The following CDCA7L variants were observed in gnomAD, a reference collection of about 807,000 sequenced individuals.
CDCA7L encodes the protein cell division cycle associated 7 like, also known as cell division cycle-associated 7-like protein.
A neutral mutation model predicts 57.4 loss-of-function variants in CDCA7L; 44 were observed. The ratio of observed to expected loss-of-function variants is 0.77; its 90% confidence interval spans 0.60 to 0.98. The LOEUF (loss-of-function observed/expected upper bound fraction) is 0.98, where lower values mean the gene tolerates loss of function less well. Among genes scored for constraint, CDCA7L ranks in the 50% least tolerant of loss-of-function variants. The pLI, the probability that CDCA7L is intolerant of heterozygous loss-of-function variation, is 0.00. For missense variants in CDCA7L, 644 were observed against 580.6 expected (o/e 1.11, Z -1.12); for synonymous variants, 236 against 202.8 (o/e 1.16, Z -1.39).
chr7:21,903,234 T>C, intron 8 of CDCA7L, 120 bp from the exon 9 acceptor site: 1 of 925,172 alleles, frequency 1.1e-6, no homozygotes, highest in East Asian at 2.7e-5. Flanking sequence ...CATGGCATCT[T>C]TCAGTCTACG....
In CDCA7L at chr7:21,902,321, CTTAA is replaced by C. The variant is rs758313825; in HGVS notation, c.1362_1365del (p.Asn454LysfsTer40). On this transcript the variant is annotated frameshift_variant and stop_lost, in exon 10 of 10. Coordinates refer to ENST00000406877, the MANE Select transcript of CDCA7L (RefSeq NM_018719.5). LOFTEE classifies it high-confidence loss of function. ...GGTGGCTGGTTCTGTTTGTTTTCCT[CTTAA>C]TTGTCTTCTACCAGCTCCTTTTGTA... 3.1e-6 allele frequency: 5 copies of C among 1,613,800 alleles called. No homozygotes were observed. The highest frequency in any genetic ancestry group is 4.2e-6 in the Non-Finnish European group (5 of 1,179,750).
At position 21,914,107 on chromosome 7, in the gene CDCA7L, G is replaced by A. The variant is rs74586911; in HGVS notation, c.166-2353C>T. On this transcript the variant is annotated intron_variant, in intron 2 of 9. Coordinates refer to ENST00000406877, the MANE Select transcript of CDCA7L (RefSeq NM_018719.5). ...ATCAGAGGAGAAGCTAACATAGGTG[G>A]ATAAACTTATTTTGAAGTCCATGTG... is the stretch of plus-strand genomic sequence containing the variant. 3.5e-3 allele frequency among the ~76,000 whole-genome samples: 529 copies of A among 152,298 alleles called. 7 individuals carry two copies. In the East Asian group the frequency reaches 0.041, roughly 12 times the overall value.
chr7:21,908,527 A>T lies in CDCA7L; in HGVS notation c.304-20T>A, dbSNP rs779213060. Reference sequence around the variant, plus strand: ...CACGACCTAATAAAATAAGAGCAAGAAAAAGCACAAAGACACTGTTACAGA... The same window carrying T: ...CACGACCTAATAAAATAAGAGCAAGTAAAAGCACAAAGACACTGTTACAGA... On this transcript the variant is annotated intron_variant, in intron 3 of 9. Coordinates refer to ENST00000406877, the MANE Select transcript of CDCA7L (RefSeq NM_018719.5). 2.7e-6 allele frequency: 4 copies of T among 1,499,626 alleles called. No homozygotes were observed. The highest frequency in any genetic ancestry group is 3.5e-6 in the Non-Finnish European group (4 of 1,129,384). 92.9% of individuals were successfully genotyped at this position (1,499,626 alleles called of 1,614,324 possible).
chr7:21,916,385 T>C (rs1785480737), intron 2 of CDCA7L, among the ~76,000 whole-genome samples: 2 of 152,052 alleles, frequency 1.3e-5, no homozygotes, highest in East Asian at 3.9e-4. Flanking sequence ...TGTCTCCCCG[T>C]AACCACACAA....
chr7:21,931,988 A>G (rs992370459), intron 1 of CDCA7L, among the ~76,000 whole-genome samples: 5 of 152,212 alleles, frequency 3.3e-5, no homozygotes, highest in Non-Finnish European at 5.9e-5. Flanking sequence ...TAATGTGCAA[A>G]AATCACAAGC....
Position 21,900,970 on chromosome 7 carries a change from C to T in CDCA7L, c.*1352G>A. On this transcript the variant is annotated 3_prime_UTR_variant, in exon 10 of 10. Transcript: ENST00000406877. ...CTTGATCATTATCATTAGTAGCAAG[C>T]TGCCACACAATTGCAACCGCTGTGT... 5 of 1,530,600 alleles carry T rather than the reference C, an allele frequency of 3.3e-6. No homozygotes were observed. The highest frequency in any genetic ancestry group is 4.4e-6 in the Non-Finnish European group (5 of 1,140,486). The allele number at this position is 1,530,600 out of a possible 1,614,324, so 94.8% of individuals were successfully genotyped here.
At chr7:21,932,226 C>T (rs1316662016) in intron 1 of CDCA7L, among the ~76,000 whole-genome samples, 1 of 152,146 alleles carries the variant, frequency 6.6e-6, no homozygotes, top group Non-Finnish European at 1.5e-5. Context: ...GCCATACTGC[C>T]CAAAGTAATT....
chr7:21,903,131 A>C lies in CDCA7L; in HGVS notation c.1198-17T>G. ...CACCCAATCCTAACAGAGAGATGAC[A>C]GCAGACACTTCGCTCATTATCTACA... On this transcript the variant is annotated splice_polypyrimidine_tract_variant and intron_variant, in intron 8 of 9. Transcript: ENST00000406877. The C allele has an allele frequency of 6.2e-7, 1 of 1,610,034 alleles. No homozygotes were observed. The highest frequency in any genetic ancestry group is 1.1e-5 in the South Asian group (1 of 90,614).
chr7:21,927,749 A>C (rs1238328711), intron 1 of CDCA7L, among the ~76,000 whole-genome samples: 2 of 152,350 alleles, frequency 1.3e-5, no homozygotes, highest in East Asian at 3.9e-4. Flanking sequence ...TTAAAAGCCT[A>C]AAGACAATCT....
chr7:21,916,890 G>C lies in CDCA7L; in HGVS notation c.29C>G (p.Pro10Arg). 1 of 1,614,022 alleles carries C rather than the reference G, an allele frequency of 6.2e-7. No homozygotes were observed. The highest frequency in any genetic ancestry group is 1.3e-5 in the African/African-American group (1 of 75,020). Residue 10 changes from proline to arginine, a missense_variant, in exon 2 of 10, where the codon CCT becomes CGT. By Grantham distance (103) the Pro-to-Arg change is moderately radical. Transcript: ENST00000406877. ...GTTAAAGATGTCAGCCACTTCTTTA[G>C]GGATCTGTTTTGGATTCAAAAGAGG... MELATRYQI[P>R]KEVADIFNAP...
rs201108706 is a variant in CDCA7L at position 21,906,328 on chromosome 7, C to T, written c.882G>A (p.Ala294=). ...ENFTVSAAKF[A]EEFYSFRRRK... ...TTCTTCGGAAGCTGTAAAACTCTTC[C>T]GCAAATTTAGCGGCTGAGACAGTGA... The change falls in exon 6 of 10, where the codon GCG becomes GCA. Residue 294 remains alanine, a synonymous_variant. Transcript: ENST00000406877. 1.9e-5 allele frequency: 31 copies of T among 1,608,638 alleles called. No individual in the cohort carries two copies. The highest frequency in any genetic ancestry group is 5.5e-5 in the South Asian group (5 of 90,488).
intron 2 of CDCA7L, among the ~76,000 whole-genome samples, chr7:21,914,262 G>A (rs1378460828): frequency 6.6e-6 from 1 of 152,208 alleles, no homozygotes; most frequent in Non-Finnish European, 1.5e-5. Flanking sequence ...GGTGTTGGAT[G>A]CTTGAAATCA....
chr7:21,901,390 G>GAGTGAAAGTCAGAAAA lies in CDCA7L; in HGVS notation c.*916_*931dup. The GAGTGAAAGTCAGAAAA allele has an allele frequency of 8.0e-7, 1 of 1,253,798 alleles. No individual in the cohort carries two copies. The highest frequency in any genetic ancestry group is 1.0e-6 in the Non-Finnish European group (1 of 970,158). 77.7% of individuals were successfully genotyped at this position (1,253,798 alleles called of 1,614,324 possible). A position where few individuals can be genotyped will look rare whatever the true frequency, so the allele number is the denominator to read the frequency against. On this transcript the variant is annotated 3_prime_UTR_variant, in exon 10 of 10. Coordinates refer to ENST00000406877, the MANE Select transcript of CDCA7L (RefSeq NM_018719.5). ...CATTCTTTTTTCAACGCTATCCTTA[G>GAGTGAAAGTCAGAAAA]AGTGAAAGTCAGAAAAAAATACTAG...
intron 1 of CDCA7L, among the ~76,000 whole-genome samples, chr7:21,935,708 T>G (rs1786139767): frequency 6.6e-6 from 1 of 152,176 alleles, no homozygotes; most frequent in Non-Finnish European, 1.5e-5. Context: ...CTACCAATTT[T>G]ACATAAATAA....
chr7:21,944,089 C>G (rs1276228179), intron 1 of CDCA7L, among the ~76,000 whole-genome samples: 2 of 152,142 alleles, frequency 1.3e-5, no homozygotes, highest in African/African-American at 4.8e-5. Context: ...GCTCAAATCT[C>G]CATCCAGAGG....
At chr7:21,944,276 T>C (rs1485485733) in intron 1 of CDCA7L, among the ~76,000 whole-genome samples, 4 of 135,362 alleles carry the variant, frequency 3.0e-5, no homozygotes, top group African/African-American at 1.1e-4. Context: ...CTGTCTCTAC[T>C]AAAAAAAAAA....
chr7:21,943,352 C>T (rs1319780758), intron 1 of CDCA7L, among the ~76,000 whole-genome samples: 2 of 152,254 alleles, frequency 1.3e-5, no homozygotes, highest in East Asian at 3.8e-4. Context: ...GCCTAAGCTG[C>T]TTTGCTGAAA....
At chr7:21,912,836 T>C (rs1476368108) in intron 2 of CDCA7L, among the ~76,000 whole-genome samples, 2 of 152,218 alleles carry the variant, frequency 1.3e-5, no homozygotes, top group South Asian at 2.1e-4. Context: ...TGTGACTCTT[T>C]AAGAAAAGGC....
At chr7:21,902,765 G>C in intron 9 of CDCA7L, 1 of 538,102 alleles carries the variant, frequency 1.9e-6, no homozygotes, top group East Asian at 3.1e-5. Context: ...ACGTGGAGTT[G>C]AGTTGAAAAA....
Sources: allele counts gnomAD v4.1 joint callset (sites outside exome capture counted in the v4.1 genomes callset), GRCh38; gene constraint gnomAD v4.1.1; transcripts MANE v1.5; gene names NCBI Gene and HGNC (gene_info 2026-07-23, HGNC 2026-07-21).